IDE: variants seen among roughly 807,000 people sequenced by gnomAD.
The protein encoded by IDE is insulin-degrading enzyme.
IDE carries 58 observed loss-of-function variants against 133.2 expected under a neutral mutation model. That is an observed-to-expected ratio of 0.44 (90% confidence interval 0.35 to 0.54). The LOEUF is 0.54. Among genes scored for constraint, IDE ranks in the 20% least tolerant of loss-of-function variants. The pLI is 0.00. For missense variants in IDE, 981 were observed against 1,234.0 expected, an observed-to-expected ratio of 0.79 and a Z score of 3.07; for synonymous variants, 396 against 421.3, an observed-to-expected ratio of 0.94 and a Z score of 0.73.
At chr10:92,539,426 CTG>C (rs1842190356) in intron 1 of IDE, among the ~76,000 whole-genome samples, 1 of 152,158 alleles carries the variant, frequency 6.6e-6, no homozygotes, top group South Asian at 2.1e-4. Flanking sequence ...TAGTAGGTCA[CTG>C]TTGGAAAATT....
In IDE at chr10:92,537,806, G is replaced by C. The variant is rs1034650096; in HGVS notation, c.99-256C>G. On this transcript the variant is annotated intron_variant, in intron 1 of 24. Coordinates refer to ENST00000265986, the MANE Select transcript of IDE (RefSeq NM_004969.4). Reference sequence around the variant, plus strand: ...GCACATGGATAGGGATTTGAGATAGGGTGGGTTAGACCATGTGTTGGCCTG... The same window carrying C: ...GCACATGGATAGGGATTTGAGATAGCGTGGGTTAGACCATGTGTTGGCCTG... 2.6e-5 allele frequency among the ~76,000 whole-genome samples: 4 copies of C among 152,076 alleles called. 1 individual carries two copies. Among genetic ancestry groups the C allele is most frequent in the South Asian group, 4.2e-4 (2 of 4,814 alleles).
intron 11 of IDE, among the ~76,000 whole-genome samples, chr10:92,501,026 G>C (rs1473746403): frequency 2.7e-5 from 4 of 148,008 alleles, no homozygotes; most frequent in Non-Finnish European, 5.9e-5. Context: ...GGGCGACAGA[G>C]TGAGATCCTG....
At chr10:92,516,898 A>G (rs6583820) in intron 4 of IDE, among the ~76,000 whole-genome samples, 20,818 of 152,234 alleles carry the variant, frequency 0.14, 1,856 homozygotes, top group African/African-American at 0.24. Flanking sequence ...AAATAGTCAA[A>G]TTCTCTAAAT....
At chr10:92,544,365 A>G (rs759866524) in intron 1 of IDE, among the ~76,000 whole-genome samples, 50 of 152,216 alleles carry the variant, frequency 3.3e-4, no homozygotes, top group Non-Finnish European at 5.6e-4. Context: ...GGTGGGTCGT[A>G]ACAGCTGTTC....
intron 11 of IDE, among the ~76,000 whole-genome samples, chr10:92,500,767 T>C (rs1847962328): frequency 6.6e-6 from 1 of 151,872 alleles, no homozygotes; most frequent in Admixed American, 6.6e-5. Flanking sequence ...TTTTTTTTTT[T>C]CCGGAGTGTT....
chr10:92,475,171 T>C (rs1589384999), intron 16 of IDE, among the ~76,000 whole-genome samples: 1 of 152,338 alleles, frequency 6.6e-6, no homozygotes, highest in South Asian at 2.1e-4. Flanking sequence ...CCAAGCTACA[T>C]TTGTTCAGCA....
chr10:92,508,683 A>G, intron 7 of IDE, 45 bp downstream of exon 7: 1 of 1,566,920 alleles, frequency 6.4e-7, no homozygotes, highest in Non-Finnish European at 8.8e-7. Flanking sequence ...AGCCAGAGTG[A>G]AAAGATGTGG....
At chr10:92,517,230 G>C (rs910400960) in intron 4 of IDE, among the ~76,000 whole-genome samples, 2 of 152,194 alleles carry the variant, frequency 1.3e-5, no homozygotes, top group African/African-American at 4.8e-5. Context: ...TAGCTCAGTA[G>C]TGCTGCACAG....
chr10:92,507,061 T>C (rs1848328809), intron 9 of IDE, among the ~76,000 whole-genome samples: 2 of 152,006 alleles, frequency 1.3e-5, no homozygotes, highest in South Asian at 4.2e-4. Flanking sequence ...AAACCCTTTT[T>C]TAAAAGGCTT....
intron 15 of IDE, among the ~76,000 whole-genome samples, chr10:92,476,586 C>T (rs1450866779): frequency 1.3e-5 from 2 of 152,072 alleles, no homozygotes; most frequent in Admixed American, 1.3e-4. Flanking sequence ...CTCAGTCTCC[C>T]AAGTAGCTGG....
At chr10:92,564,145 C>G (rs1423553606) in intron 1 of IDE, among the ~76,000 whole-genome samples, 1 of 151,956 alleles carries the variant, frequency 6.6e-6, no homozygotes, top group Non-Finnish European at 1.5e-5. Flanking sequence ...AAGCTTGTTC[C>G]AATATACAAC....
At chr10:92,468,417 T>C (rs1440045263) in intron 19 of IDE, among the ~76,000 whole-genome samples, 1 of 152,202 alleles carries the variant, frequency 6.6e-6, no homozygotes, top group Non-Finnish European at 1.5e-5. Flanking sequence ...AATATATAAA[T>C]TCAATAAAAG....
chr10:92,498,661 G>A (rs1382502290), intron 11 of IDE, among the ~76,000 whole-genome samples: 6 of 152,202 alleles, frequency 3.9e-5, no homozygotes, highest in African/African-American at 1.2e-4. Context: ...GGAGGCTGAG[G>A]CAGGAGAATT....
chr10:92,530,769 ACTG>A (rs1186217037), intron 4 of IDE, among the ~76,000 whole-genome samples: 3 of 152,216 alleles, frequency 2.0e-5, no homozygotes, highest in African/African-American at 7.2e-5. Flanking sequence ...ATATAATATC[ACTG>A]CTTCAAAGTA....
intron 1 of IDE, among the ~76,000 whole-genome samples, chr10:92,567,300 C>A (rs1482757870): frequency 1.3e-5 from 2 of 152,142 alleles, no homozygotes; most frequent in Non-Finnish European, 2.9e-5. Context: ...TTTTCCCTAC[C>A]CTGGTGGCCC....
intron 4 of IDE, among the ~76,000 whole-genome samples, chr10:92,515,413 C>T (rs1848854678): frequency 1.3e-5 from 2 of 150,808 alleles, no homozygotes; most frequent in African/African-American, 2.4e-5. Context: ...GCGCCCACCA[C>T]GACACCTGGC....
At chr10:92,573,780 AG>A (rs1843911269) in intron 1 of IDE, 141 bp downstream of exon 1, 3 of 598,310 alleles carry the variant, frequency 5.0e-6, no homozygotes, top group African/African-American at 2.0e-5. Flanking sequence ...TCAGCGCGGC[AG>A]TACGGGCCCC....
chr10:92,501,709 T>C (rs1230738129), intron 11 of IDE, among the ~76,000 whole-genome samples: 1 of 150,306 alleles, frequency 6.7e-6, no homozygotes, highest in Admixed American at 6.6e-5. Flanking sequence ...GAACGGTGAC[T>C]CACGCCTGTA....
intron 11 of IDE, 132 bp from the exon 12 acceptor site, chr10:92,490,727 G>GT (rs2135461279): frequency 1.3e-5 from 8 of 628,518 alleles, no homozygotes; most frequent in South Asian, 1.2e-4. Flanking sequence ...AGCAAATCCT[G>GT]TAAGGCTTAG....
Sources: allele counts gnomAD v4.1 joint callset (sites outside exome capture counted in the v4.1 genomes callset), GRCh38; gene constraint gnomAD v4.1.1; transcripts MANE v1.5; gene names NCBI Gene and HGNC (gene_info 2026-07-23, HGNC 2026-07-21).